Variants in LRRFIP1 observed in about 807,000 individuals in gnomAD.
LRRFIP1 encodes leucine-rich repeat flightless-interacting protein 1.
In LRRFIP1, 62 loss-of-function variants were observed where a neutral mutation model predicts 104.4. The ratio of observed to expected loss-of-function variants is 0.59; its 90% confidence interval spans 0.48 to 0.73. The LOEUF (loss-of-function observed/expected upper bound fraction) is 0.73, where lower values mean the gene tolerates loss of function less well. LRRFIP1 is among the 30% of genes least tolerant of loss of function. LRRFIP1 has a pLI of 0.00. For synonymous variants in LRRFIP1, 300 were observed against 299.0 expected (o/e 1.00, Z -0.03); for missense variants, 796 against 824.5 (o/e 0.97, Z 0.42).
At chr2:237,710,393 C>T (rs2094013422) in intron 2 of LRRFIP1, among the ~76,000 whole-genome samples, 1 of 151,972 alleles carries the variant, frequency 6.6e-6, no homozygotes, top group Non-Finnish European at 1.5e-5. Context: ...AAGCGATTCT[C>T]CTGCCTCAGC....
At chr2:237,655,806 G>A (rs1350455709) in intron 1 of LRRFIP1, among the ~76,000 whole-genome samples, 1 of 149,838 alleles carries the variant, frequency 6.7e-6, no homozygotes, top group Non-Finnish European at 1.5e-5. Flanking sequence ...AAAGCCCAAC[G>A]CTGTTAACCC....
intron 1 of LRRFIP1, among the ~76,000 whole-genome samples, chr2:237,658,794 C>T (rs2087299340): frequency 6.6e-6 from 1 of 152,178 alleles, no homozygotes; most frequent in Non-Finnish European, 1.5e-5. Flanking sequence ...GTTTCAATTA[C>T]CACCACCTGG....
At chr2:237,762,485 A>T in intron 19 of LRRFIP1, 1 of 794,644 alleles carries the variant, frequency 1.3e-6, no homozygotes, top group Non-Finnish European at 2.0e-6. Context: ...TGACTCTTTG[A>T]TGACTCTGTC....
chr2:237,712,617 G>A (rs901693759), intron 2 of LRRFIP1, among the ~76,000 whole-genome samples: 2 of 152,208 alleles, frequency 1.3e-5, no homozygotes, highest in East Asian at 1.9e-4. Context: ...TCGTGTGTGC[G>A]CACGCATTCG....
intron 2 of LRRFIP1, among the ~76,000 whole-genome samples, chr2:237,712,059 T>C (rs116160829): frequency 0.011 from 1,641 of 152,306 alleles, 24 homozygotes; most frequent in African/African-American, 0.037. Context: ...CAGAGAAGCC[T>C]GGGGCGGGGG....
Position 237,739,274 on chromosome 2 carries a change from T to G in LRRFIP1, c.598T>G (p.Ser200Ala), listed in dbSNP as rs770496044. Reference protein sequence around the residue: ...SGHLNSSSRASSRASSARASP... With the variant: ...SGHLNSSSRAASRASSARASP... ...CCACCTCAACTCCAGCTCCCGCGCC[T>G]CCTCCAGGGCCAGCTCGGCCCGGGC... The change falls in exon 11 of 24, where the codon TCC becomes GCC. Residue 200 changes from serine to alanine, a missense_variant. Ser to Ala is a moderately conservative substitution (Grantham distance 99, BLOSUM62 1). Transcript: ENST00000308482. The G allele has an allele frequency of 1.0e-5, 16 of 1,565,010 alleles. No homozygotes were observed. Among genetic ancestry groups the G allele is most frequent in the African/African-American group, 4.1e-5 (3 of 73,824 alleles).
chr2:237,681,834 T>TAC (rs2091876510), intron 1 of LRRFIP1, among the ~76,000 whole-genome samples: 3 of 149,478 alleles, frequency 2.0e-5, no homozygotes, highest in South Asian at 4.4e-4. Context: ...CGCCCGCCAC[T>TAC]ACGCCCGGCT....
At chr2:237,674,234 T>A (rs1398991069) in intron 1 of LRRFIP1, among the ~76,000 whole-genome samples, 1 of 152,124 alleles carries the variant, frequency 6.6e-6, no homozygotes, top group Admixed American at 6.5e-5. Flanking sequence ...CCCATCAACA[T>A]CTAGGTCGTG....
In LRRFIP1 at chr2:237,720,813, A is replaced by C; in HGVS notation, c.336A>C (p.Gly112=). Residue 112 remains glycine, a synonymous_variant, in exon 6 of 24, where the codon GGA becomes GGC. Transcript: ENST00000308482. ...AGCGCATGTCAGTGGGTAGTCGTGG[A>C]AGCCTGAGGGTCAGTAACCAGAATG... is the stretch of plus-strand genomic sequence containing the variant. ...EDERMSVGSR[G]SLRSQPDLEY... is the part of the protein sequence containing the mutation. The C allele has an allele frequency of 1.2e-6, 2 of 1,614,058 alleles. No homozygotes were observed. The highest frequency in any genetic ancestry group is 1.7e-6 in the Non-Finnish European group (2 of 1,179,908).
chr2:237,667,311 G>A (rs1298665689), intron 1 of LRRFIP1, among the ~76,000 whole-genome samples: 1 of 152,046 alleles, frequency 6.6e-6, no homozygotes, highest in African/African-American at 2.4e-5. Flanking sequence ...GAACATGTTG[G>A]TTTTCTGTTC....
intron 1 of LRRFIP1, among the ~76,000 whole-genome samples, chr2:237,665,734 C>T (rs996605505): frequency 6.6e-6 from 1 of 152,164 alleles, no homozygotes; most frequent in Non-Finnish European, 1.5e-5. Flanking sequence ...GAATTTGAAA[C>T]TTCTGCAGTC....
intron 1 of LRRFIP1, among the ~76,000 whole-genome samples, chr2:237,633,984 T>C (rs988049422): frequency 1.3e-5 from 2 of 152,196 alleles, no homozygotes; most frequent in African/African-American, 4.8e-5. Context: ...CTCATCTTCT[T>C]TTTCCATCCT....
chr2:237,755,951 A>AAAAAT, intron 15 of LRRFIP1, 144 bp from the exon 16 acceptor site: 1 of 474,562 alleles, frequency 2.1e-6, no homozygotes, highest in East Asian at 3.5e-5. Flanking sequence ...TATATAAATA[A>AAAAAT]AAAATAAAAT....
At chr2:237,771,884 C>G in intron 20 of LRRFIP1, 197 bp from the exon 21 acceptor site, 1 of 558,586 alleles carries the variant, frequency 1.8e-6, no homozygotes, top group Middle Eastern at 3.5e-4. Context: ...TTAGAAATGA[C>G]TTTTCTCTCA....
intron 7 of LRRFIP1, among the ~76,000 whole-genome samples, chr2:237,724,936 T>C (rs558999501): frequency 6.6e-6 from 1 of 152,332 alleles, no homozygotes; most frequent in East Asian, 1.9e-4. Flanking sequence ...GCTCTGTCTT[T>C]TGACTCATGT....
At chr2:237,727,847 C>T (rs778542094) in intron 7 of LRRFIP1, 29 bp from the exon 8 acceptor site, 5 of 1,547,740 alleles carry the variant, frequency 3.2e-6, no homozygotes, top group Middle Eastern at 1.7e-4. Context: ...GTACTGATGT[C>T]AGTTTTTCTC....
chr2:237,644,730 T>A (rs1218117017), intron 1 of LRRFIP1, among the ~76,000 whole-genome samples: 2 of 152,252 alleles, frequency 1.3e-5, no homozygotes, highest in Non-Finnish European at 2.9e-5. Context: ...GGGATCCACA[T>A]TGCATTTTGT....
intron 11 of LRRFIP1, among the ~76,000 whole-genome samples, chr2:237,740,132 G>A (rs74272419): frequency 0.059 from 9,003 of 152,168 alleles, 313 homozygotes; most frequent in Middle Eastern, 0.12. Context: ...TGAGCTGGGT[G>A]TGGTGGCTCA....
intron 1 of LRRFIP1, among the ~76,000 whole-genome samples, chr2:237,641,882 TTC>T (rs1491422362): frequency 1.3e-5 from 2 of 152,230 alleles, no homozygotes; most frequent in African/African-American, 4.8e-5. Flanking sequence ...TTGGGAGGAC[TTC>T]CAGGGCGTCG....
Sources: allele counts gnomAD v4.1 joint callset (sites outside exome capture counted in the v4.1 genomes callset), GRCh38; gene constraint gnomAD v4.1.1; transcripts MANE v1.5; gene names NCBI Gene and HGNC (gene_info 2026-07-23, HGNC 2026-07-21).